The following TCTN2 variants were observed in gnomAD, a reference collection of about 807,000 sequenced individuals.
TCTN2 encodes the protein tectonic family member 2, also known as tectonic-2.
In TCTN2, 66 loss-of-function variants were observed where a neutral mutation model predicts 83.4. The ratio of observed to expected loss-of-function variants is 0.79; its 90% CI spans 0.65 to 0.97. TCTN2 has a LOEUF of 0.97. Among genes scored for constraint, TCTN2 ranks in the 50% least tolerant of loss-of-function variants. The probability of loss-of-function intolerance (pLI) is 0.00; values close to 1 mark genes in which losing one functional copy is unlikely to be tolerated. For synonymous variants in TCTN2, 301 were observed against 326.7 expected (o/e 0.92, Z 0.85); for missense variants, 794 against 858.1 (o/e 0.93, Z 0.93).
rs114996011 is a variant in TCTN2 at position 123,686,713 on chromosome 12, A to G, written c.565-123A>G. 2,680 of 940,318 alleles carry G rather than the reference A, an allele frequency of 2.9e-3. 52 individuals carry two copies. The African/African-American group carries it at 0.037, about 13-fold the overall frequency. The allele number at this position is 940,318 out of a possible 1,614,324, so 58.2% of individuals were successfully genotyped here. On this transcript the variant is annotated intron_variant, in intron 5 of 17. Coordinates refer to ENST00000303372, the MANE Select transcript of TCTN2 (RefSeq NM_024809.5). ...CAAGGCACTTTTAGATGAGACACAG[A>G]TTATAGGTTTTCTTGCTTACTTGGT...
At chr12:123,696,887 A>G in intron 12 of TCTN2, 200 bp from the exon 13 acceptor site, 1 of 576,650 alleles carries the variant, frequency 1.7e-6, no homozygotes, top group Admixed American at 3.0e-5. Flanking sequence ...CTTCTGAAGA[A>G]ACCACCGCTC....
At chr12:123,696,944 G>T (rs753102416) in intron 12 of TCTN2, 143 bp from the exon 13 acceptor site, 5 of 700,832 alleles carry the variant, frequency 7.1e-6, no homozygotes, top group African/African-American at 1.8e-5. Context: ...GCTTTGAAAG[G>T]ATTAGACTAA....
chr12:123,689,862 G>A (rs192919761), intron 7 of TCTN2, among the ~76,000 whole-genome samples: 2 of 152,296 alleles, frequency 1.3e-5, no homozygotes, highest in Admixed American at 1.3e-4. Context: ...TGTAGTGAGT[G>A]TAGTCACAGC....
chr12:123,679,286 C>A lies in TCTN2; in HGVS notation c.561C>A (p.Asp187Glu). 1 of 1,613,700 alleles carries A rather than the reference C, an allele frequency of 6.2e-7. No homozygotes were observed. The highest frequency in any genetic ancestry group is 8.5e-7 in the Non-Finnish European group (1 of 1,179,706). The change falls in exon 5 of 18, where the codon GAC becomes GAA. Residue 187 changes from aspartate to glutamate, a missense_variant. Asp to Glu is a conservative substitution (Grantham distance 45, BLOSUM62 2). Transcript: ENST00000303372. Reference sequence around the variant, plus strand: ...CCTGTGATGTTCGCTGCTGCTGTGACCAGGTATGTTCTTTGGTTATTGGGC... The same window carrying A: ...CCTGTGATGTTCGCTGCTGCTGTGAACAGGTATGTTCTTTGGTTATTGGGC... ...AGACDVRCCCDQECSSNLTTL... is the reference protein window; with the variant it reads ...AGACDVRCCCEQECSSNLTTL...
intron 5 of TCTN2, among the ~76,000 whole-genome samples, chr12:123,682,577 G>A (rs1490420472): frequency 1.3e-5 from 2 of 152,040 alleles, no homozygotes; most frequent in African/African-American, 4.8e-5. Flanking sequence ...CGCCTCCCAG[G>A]TTCAAGCGAT....
chr12:123,672,706 C>T (rs2135815179), intron 3 of TCTN2, among the ~76,000 whole-genome samples: 1 of 152,044 alleles, frequency 6.6e-6, no homozygotes, highest in African/African-American at 2.4e-5. Context: ...GATCGCACCA[C>T]TGCACTTCAT....
At chr12:123,683,631 A>T (rs893122707) in intron 5 of TCTN2, among the ~76,000 whole-genome samples, 1 of 151,158 alleles carries the variant, frequency 6.6e-6, no homozygotes, top group Non-Finnish European at 1.5e-5. Flanking sequence ...AAGAAGAAGC[A>T]CTGAAGCACA....
chr12:123,700,675 C>A (rs1393420527), intron 14 of TCTN2, among the ~76,000 whole-genome samples: 3 of 152,252 alleles, frequency 2.0e-5, no homozygotes, highest in South Asian at 4.1e-4. Context: ...CCGTGATCCA[C>A]CTGCCTCGGC....
chr12:123,706,834 A>T lies in TCTN2; in HGVS notation c.1878A>T (p.Leu626Phe). The T allele has an allele frequency of 6.2e-7, 1 of 1,614,004 alleles. No individual in the cohort carries two copies. The highest frequency in any genetic ancestry group is 8.5e-7 in the Non-Finnish European group (1 of 1,179,992). The change falls in exon 16 of 18, where the codon TTA (leucine) becomes TTT (phenylalanine). Residue 626 changes from leucine (L) to phenylalanine (F), a missense_variant. Coordinates refer to ENST00000303372, the MANE Select transcript of TCTN2 (RefSeq NM_024809.5). Reference protein sequence around the residue: ...SVQFIKIPAQLPHPLTRFQIN... With the variant: ...SVQFIKIPAQFPHPLTRFQIN... ...AGTTTATTAAAATTCCTGCACAGTT[A>T]CCCCACCCCCTGACAAGGTACTCCA...
At chr12:123,684,692 A>G (rs1444371208) in intron 5 of TCTN2, among the ~76,000 whole-genome samples, 1 of 151,942 alleles carries the variant, frequency 6.6e-6, no homozygotes, top group Admixed American at 6.6e-5. Context: ...GAGCCCCCAC[A>G]CCTGGCCAAT....
chr12:123,686,165 GC>G, intron 5 of TCTN2, among the ~76,000 whole-genome samples: 1 of 152,050 alleles, frequency 6.6e-6, no homozygotes, highest in South Asian at 2.1e-4. Flanking sequence ...TCATGGCTCA[GC>G]CTCCTGAGTA....
Position 123,697,295 on chromosome 12 carries a change from TAG to T in TCTN2, c.1505+100_1505+101del, listed in dbSNP as rs1956121695. On this transcript the variant is annotated intron_variant, in intron 13 of 17. Coordinates refer to ENST00000303372, the MANE Select transcript of TCTN2 (RefSeq NM_024809.5). ...CAAAGACAGCATGAATATGAAAAAT[TAG>T]AGTCAATTAAAATGTGTAAAAGTGA... 21 of 898,382 alleles carry T rather than the reference TAG, an allele frequency of 2.3e-5. No homozygotes were observed. In the South Asian group the frequency reaches 2.4e-4, roughly 10 times the overall value. 55.7% of individuals were successfully genotyped at this position (898,382 alleles called of 1,614,324 possible). A position where few individuals can be genotyped will look rare whatever the true frequency, so the allele number is the denominator to read the frequency against.
intron 14 of TCTN2, among the ~76,000 whole-genome samples, chr12:123,700,325 A>G (rs1956157848): frequency 6.6e-6 from 1 of 152,176 alleles, no homozygotes; most frequent in Non-Finnish European, 1.5e-5. Context: ...GGCCAACAAC[A>G]GTCTTTGTGA....
rs574033635 is a variant in TCTN2 at position 123,699,182 on chromosome 12, C to A, written c.1506-522C>A. ...TTTTTTTTTTTTTTTGAGACAGGATCTTGCTCTGTCACCCAGGCTGGAGTG... is the reference window on the plus strand; with the variant it reads ...TTTTTTTTTTTTTTTGAGACAGGATATTGCTCTGTCACCCAGGCTGGAGTG... On this transcript the variant is annotated intron_variant, in intron 13 of 17. Transcript: ENST00000303372. 1.0e-3 allele frequency among the ~76,000 whole-genome samples: 151 copies of A among 145,698 alleles called. 1 individual carries two copies. In the Middle Eastern group the frequency reaches 0.022, roughly 21 times the overall value.
chr12:123,693,468 T>TTC (rs1555292971), intron 9 of TCTN2, among the ~76,000 whole-genome samples: 28 of 141,942 alleles, frequency 2.0e-4, no homozygotes, highest in Non-Finnish European at 2.4e-4. Context: ...TTTTTTTTTT[T>TTC]TTGAGATGGA....
intron 5 of TCTN2, 126 bp from the exon 6 acceptor site, chr12:123,686,710 C>G: frequency 1.1e-6 from 1 of 914,454 alleles, no homozygotes; most frequent in African/African-American, 1.6e-5. Flanking sequence ...AGATGAGACA[C>G]AGATTATAGG....
intron 2 of TCTN2, 54 bp from the exon 3 acceptor site, chr12:123,672,002 A>AC: frequency 6.8e-7 from 1 of 1,472,738 alleles, no homozygotes; most frequent in South Asian, 1.1e-5. Context: ...GACTCAATGC[A>AC]CCCCCTGAGC....
Position 123,695,781 on chromosome 12 carries a change from G to A in TCTN2, c.1312+484G>A, listed in dbSNP as rs376076357. 256 of 160,540 alleles carry A rather than the reference G, an allele frequency of 1.6e-3. 1 individual carries two copies. Among genetic ancestry groups the A allele is most frequent in the African/African-American group, 5.6e-3 (231 of 41,496 alleles). The allele number at this position is 160,540 out of a possible 1,614,324, so 9.9% of individuals were successfully genotyped here. On this transcript the variant is annotated intron_variant, in intron 11 of 17. Transcript: ENST00000303372. ...GATCCCCTGGCCTTAGCCTCCCAAA[G>A]TGTTGTGATTACAGGCATGAGCCAC...
intron 5 of TCTN2, among the ~76,000 whole-genome samples, chr12:123,684,631 T>TGGC (rs1395240825): frequency 2.6e-5 from 4 of 152,108 alleles, no homozygotes; most frequent in Non-Finnish European, 5.9e-5. Flanking sequence ...AACTCCTGAC[T>TGGC]GCAAGTGATC....
Sources: gnomAD v4.1 joint callset for allele counts (sites outside exome capture counted in the v4.1 genomes callset) on GRCh38, gnomAD v4.1.1 for gene constraint, MANE v1.5 for transcripts, NCBI Gene and HGNC (gene_info 2026-07-23, HGNC 2026-07-21) for gene names.